The following LEPR variants were observed in gnomAD, a reference collection of about 807,000 sequenced individuals.
LEPR encodes the protein leptin receptor.
In LEPR, 56 loss-of-function variants were observed where a neutral mutation model predicts 114.7. The ratio of observed to expected loss-of-function variants is 0.49; its 90% CI spans 0.39 to 0.61. The LOEUF (loss-of-function observed/expected upper bound fraction) is 0.61, where lower values mean the gene tolerates loss of function less well. Ranked by LOEUF, LEPR falls within the 20% of genes least tolerant of loss-of-function variation. LEPR has a pLI of 0.00. For missense variants in LEPR, 1,202 were observed against 1,352.9 expected (o/e 0.89, Z 1.75); for synonymous variants, 443 against 461.4 (o/e 0.96, Z 0.51).
chr1:65,455,504 A>C (rs2100348859), intron 2 of LEPR, among the ~76,000 whole-genome samples: 1 of 152,358 alleles, frequency 6.6e-6, no homozygotes, highest in East Asian at 1.9e-4. Flanking sequence ...TCTAACAGAC[A>C]GGACCCTCAG....
chr1:65,573,985 C>T (rs1654395955), intron 5 of LEPR, among the ~76,000 whole-genome samples: 1 of 152,154 alleles, frequency 6.6e-6, no homozygotes, highest in Non-Finnish European at 1.5e-5. Context: ...TGGTTACGAT[C>T]ACTGTCCTTT....
chr1:65,440,485 G>A lies in LEPR; in HGVS notation c.-21+15107G>A, dbSNP rs558569148. Among the ~76,000 whole-genome samples the A allele has an allele frequency of 4.6e-5, 7 of 152,250 alleles. No homozygotes were observed. In the South Asian group the frequency reaches 1.4e-3, roughly 32 times the overall value. Reference sequence around the variant, plus strand: ...ATGTAGAATATGTGTGAGTGTGCGTGTGGGCGTGAACGGGTGACGGTGGCT... The same window carrying A: ...ATGTAGAATATGTGTGAGTGTGCGTATGGGCGTGAACGGGTGACGGTGGCT... On this transcript the variant is annotated intron_variant, in intron 2 of 19. Coordinates refer to ENST00000349533, the MANE Select transcript of LEPR (RefSeq NM_002303.6).
chr1:65,461,298 T>C (rs972700618), intron 2 of LEPR, among the ~76,000 whole-genome samples: 4 of 152,120 alleles, frequency 2.6e-5, no homozygotes, highest in Non-Finnish European at 4.4e-5. Context: ...TCTAATACCA[T>C]TCTTCAGTAA....
At chr1:65,603,351 T>TCACACA (rs35530125) in intron 10 of LEPR, among the ~76,000 whole-genome samples, 286 of 149,896 alleles carry the variant, frequency 1.9e-3, no homozygotes, top group African/African-American at 6.4e-3. Context: ...CACCATTTAT[T>TCACACA]CACACACACA....
intron 2 of LEPR, among the ~76,000 whole-genome samples, chr1:65,454,652 A>G (rs551397805): frequency 2.0e-3 from 300 of 152,266 alleles, no homozygotes; most frequent in African/African-American, 7.0e-3. Flanking sequence ...CGAGAGATCC[A>G]CTGTTAGTCT....
At position 65,641,290 on chromosome 1, in the gene LEPR, A is replaced by G. The variant is rs1320219065; in HGVS notation, c.*4275A>G. On this transcript the variant is annotated 3_prime_UTR_variant, in exon 20 of 20. Transcript: ENST00000349533. The stretch of plus-strand genomic sequence containing the variant: ...CATTTAATTTTGTAGTGAGATATCT[A>G]TATTGTAGATATTGTACTTTTAAAA... 6.6e-6 allele frequency: 1 copy of G among 152,186 alleles called. No individual in the cohort carries two copies. The highest frequency in any genetic ancestry group is 1.5e-5 in the Non-Finnish European group (1 of 68,032). 9.4% of individuals were successfully genotyped at this position (152,186 alleles called of 1,614,324 possible). A position where few individuals can be genotyped will look rare whatever the true frequency, so the allele number is the denominator to read the frequency against.
At chr1:65,567,673 C>A (rs544220661) in intron 3 of LEPR, among the ~76,000 whole-genome samples, 123 of 152,242 alleles carry the variant, frequency 8.1e-4, no homozygotes, top group African/African-American at 2.9e-3. Flanking sequence ...AATATTTTCA[C>A]TGATAATTGC....
intron 5 of LEPR, among the ~76,000 whole-genome samples, chr1:65,573,395 G>A (rs910163290): frequency 9.9e-5 from 15 of 152,036 alleles, no homozygotes; most frequent in African/African-American, 3.6e-4. Context: ...AAAAAGGTGC[G>A]TTTTATATTT....
chr1:65,578,435 G>T, intron 5 of LEPR: 1 of 213,968 alleles, frequency 4.7e-6, no homozygotes, highest in Admixed American at 4.2e-5. Flanking sequence ...ACTGGCAGTG[G>T]CCTTCCAGGA....
intron 2 of LEPR, among the ~76,000 whole-genome samples, chr1:65,558,549 GT>G (rs1189982161): frequency 5.4e-3 from 49 of 9,122 alleles, no homozygotes; most frequent in East Asian, 0.038. Flanking sequence ...TTTTTTTTTT[GT>G]TTTTTTTTTT....
At position 65,640,923 on chromosome 1, in the gene LEPR, T is replaced by TTTTATTTA. The variant is rs3086968; in HGVS notation, c.*3924_*3931dup. The stretch of plus-strand genomic sequence containing the variant: ...TTACGGGCACACCACCATGCCCAGC[T>TTTTATTTA]TTTATTTATTTATTTATTTATTTTG... On this transcript the variant is annotated 3_prime_UTR_variant, in exon 20 of 20. Transcript: ENST00000349533. The TTTTATTTA allele has an allele frequency of 8.6e-5, 13 of 150,542 alleles. No individual in the cohort carries two copies. The highest frequency in any genetic ancestry group is 6.1e-4 in the East Asian group (3 of 4,956). 9.3% of individuals were successfully genotyped at this position (150,542 alleles called of 1,614,324 possible).
intron 2 of LEPR, among the ~76,000 whole-genome samples, chr1:65,452,828 T>C (rs1463181599): frequency 1.3e-5 from 2 of 152,180 alleles, no homozygotes; most frequent in African/African-American, 2.4e-5. Context: ...CTTTTTCTAT[T>C]GATTGGAGTA....
In LEPR at chr1:65,638,712, C is replaced by A. The variant is rs954073873; in HGVS notation, c.*1697C>A. On this transcript the variant is annotated 3_prime_UTR_variant, in exon 20 of 20. Coordinates refer to ENST00000349533, the MANE Select transcript of LEPR (RefSeq NM_002303.6). ...CCACTCAGGAATCAATAAAGTTATT[C>A]CATGTCATAAGTATTTTTAAGATGT... 6.6e-6 allele frequency: 1 copy of A among 152,078 alleles called. No homozygotes were observed. Among genetic ancestry groups the A allele is most frequent in the Non-Finnish European group, 1.5e-5 (1 of 68,028 alleles). 9.4% of individuals were successfully genotyped at this position (152,078 alleles called of 1,614,324 possible).
In LEPR at chr1:65,434,146, T is replaced by C. The variant is rs368486762; in HGVS notation, c.-21+8768T>C. On this transcript the variant is annotated intron_variant, in intron 2 of 19. Transcript: ENST00000349533. The stretch of plus-strand genomic sequence containing the variant: ...ATAAAGTACTTGCATATAGAGTATT[T>C]GAAGTGATAGATTATTAGATTTGCT... 110 of 984,526 alleles carry C rather than the reference T, an allele frequency of 1.1e-4. No homozygotes were observed. The African/African-American group carries it at 1.8e-3, about 16-fold the overall frequency. The allele number at this position is 984,526 out of a possible 1,614,324, so 61.0% of individuals were successfully genotyped here. A position where few individuals can be genotyped will look rare whatever the true frequency, so the allele number is the denominator to read the frequency against.
intron 2 of LEPR, among the ~76,000 whole-genome samples, chr1:65,458,813 A>G (rs926647624): frequency 6.6e-6 from 1 of 151,922 alleles, no homozygotes; most frequent in African/African-American, 2.4e-5. Context: ...TGTTAGTCCC[A>G]TTATACCTTT....
intron 2 of LEPR, among the ~76,000 whole-genome samples, chr1:65,558,638 C>T (rs1413931342): frequency 4.5e-5 from 3 of 67,310 alleles, no homozygotes; most frequent in African/African-American, 2.0e-4. Flanking sequence ...CATGCTGGTG[C>T]GCTGCACCCA....
intron 2 of LEPR, among the ~76,000 whole-genome samples, chr1:65,466,233 C>A (rs899200030): frequency 1.3e-5 from 2 of 152,260 alleles, no homozygotes; most frequent in South Asian, 4.1e-4. Context: ...GTGACAAAAT[C>A]TCTCAGCATT....
intron 19 of LEPR, among the ~76,000 whole-genome samples, chr1:65,632,446 C>T (rs1053244853): frequency 1.3e-5 from 2 of 152,020 alleles, no homozygotes; most frequent in African/African-American, 4.8e-5. Flanking sequence ...TTTGTCACAG[C>T]GAGTAGTAAA....
intron 14 of LEPR, among the ~76,000 whole-genome samples, chr1:65,613,267 G>A (rs1657291875): frequency 6.6e-6 from 1 of 152,032 alleles, no homozygotes; most frequent in Non-Finnish European, 1.5e-5. Flanking sequence ...CCTTTGACAT[G>A]CCCCCGTCAT....
Sources: gnomAD v4.1 joint callset for allele counts (sites outside exome capture counted in the v4.1 genomes callset) on GRCh38, gnomAD v4.1.1 for gene constraint, MANE v1.5 for transcripts, NCBI Gene and HGNC (gene_info 2026-07-23, HGNC 2026-07-21) for gene names.